Variants in MAD1L1 observed in about 807,000 individuals in gnomAD.
MAD1L1 encodes mitotic arrest deficient 1 like 1.
Under a neutral mutation model 96.9 loss-of-function variants are expected in MAD1L1, and 95 were observed. The observed-to-expected ratio is 0.98, with a 90% CI of 0.83 to 1.16. The LOEUF is 1.16. MAD1L1 is among the 50% of genes most tolerant of loss of function. The pLI is 0.00. For synonymous variants in MAD1L1, 473 were observed against 396.6 expected (o/e 1.19, Z -2.29); for missense variants, 1,007 against 954.4 (o/e 1.06, Z -0.73).
At chr7:2,129,827 G>T (rs757054642) in intron 11 of MAD1L1, among the ~76,000 whole-genome samples, 1 of 152,158 alleles carries the variant, frequency 6.6e-6, no homozygotes, top group African/African-American at 2.4e-5. Flanking sequence ...CACAAGGAAG[G>T]TGCACAACAC....
In MAD1L1 at chr7:2,222,746, G is replaced by C. The variant is rs368024845; in HGVS notation, c.300C>G (p.Val100=). 6.3e-7 allele frequency: 1 copy of C among 1,599,550 alleles called. No homozygotes were observed. The highest frequency in any genetic ancestry group is 8.5e-7 in the Non-Finnish European group (1 of 1,177,516). Residue 100 remains valine (V), a synonymous_variant, in exon 5 of 19, where the codon GTC becomes GTG. Coordinates refer to ENST00000265854, the MANE Select transcript of MAD1L1 (RefSeq NM_001013836.2). ...GCGTCAGGAGCTCCTGGTTGCGGTC[G>C]ACCTCACGCTGTTAAGAGAGCAAGA... ...STSARNYERE[V]DRNQELLTRI...
chr7:2,213,398 C>A, intron 9 of MAD1L1, 125 bp from the exon 10 acceptor site: 1 of 845,572 alleles, frequency 1.2e-6, no homozygotes, highest in South Asian at 1.4e-5. Flanking sequence ...CATCTCTGAG[C>A]TGGGCGCTAC....
chr7:2,123,227 C>A (rs1788063237), intron 11 of MAD1L1, among the ~76,000 whole-genome samples: 1 of 149,764 alleles, frequency 6.7e-6, no homozygotes, highest in African/African-American at 2.4e-5. Context: ...ATGGCATGAA[C>A]CCGGAAAGCG....
intron 18 of MAD1L1, chr7:1,848,639 C>T (rs1783773497): frequency 6.5e-6 from 1 of 154,392 alleles, no homozygotes; most frequent in South Asian, 2.0e-4. Flanking sequence ...GATTTGCGCT[C>T]CTGGTTCCGA....
intron 16 of MAD1L1, among the ~76,000 whole-genome samples, chr7:1,956,922 GC>G (rs1165518103): frequency 1.3e-5 from 2 of 152,220 alleles, no homozygotes; most frequent in African/African-American, 4.8e-5. Flanking sequence ...GGGATGCCTG[GC>G]CCCCAGTCAG....
intron 11 of MAD1L1, among the ~76,000 whole-genome samples, chr7:2,097,818 G>C (rs1786571202): frequency 6.6e-6 from 1 of 152,250 alleles, no homozygotes; most frequent in Admixed American, 6.5e-5. Flanking sequence ...GGACCCCTGG[G>C]AGCAGCGCCT....
At chr7:2,040,469 A>G (rs1424463710) in intron 12 of MAD1L1, among the ~76,000 whole-genome samples, 2 of 152,160 alleles carry the variant, frequency 1.3e-5, no homozygotes, top group Non-Finnish European at 2.9e-5. Context: ...GCTGTTCAGA[A>G]TGGGCAGATG....
In MAD1L1 at chr7:1,884,480, C is replaced by T. The variant is rs879365458; in HGVS notation, c.1998+13720G>A. On this transcript the variant is annotated intron_variant, in intron 18 of 18. Transcript: ENST00000265854. The stretch of plus-strand genomic sequence containing the variant: ...AGCAACGTTGGGTCAGGGGCCTAGC[C>T]GGGATTCCCCACCACATGGAGGCCC... Among the ~76,000 whole-genome samples the T allele has an allele frequency of 5.3e-5, 8 of 152,340 alleles. No individual in the cohort carries two copies. The East Asian group carries it at 5.8e-4, about 11-fold the overall frequency.
In MAD1L1 at chr7:2,222,715, G is replaced by C; in HGVS notation, c.331C>G (p.Arg111Gly). ...CCGGCCTCCCGCTCCTGAAGCTGCC[G>C]GATGCGCGTCAGGAGCTCCTGGTTG... Reference protein sequence around the residue: ...DRNQELLTRIRQLQEREAGAE... With the variant: ...DRNQELLTRIGQLQEREAGAE... The change falls in exon 5 of 19, where the codon CGG becomes GGG. Residue 111 changes from arginine (R) to glycine (G), a missense_variant. Transcript: ENST00000265854. The C allele has an allele frequency of 1.2e-6, 2 of 1,608,876 alleles. No homozygotes were observed. Among genetic ancestry groups the C allele is most frequent in the Non-Finnish European group, 1.7e-6 (2 of 1,179,504 alleles).
At chr7:1,845,936 C>A (rs576164854) in intron 18 of MAD1L1, 53 of 152,750 alleles carry the variant, frequency 3.5e-4, no homozygotes, top group Non-Finnish European at 4.4e-4. Flanking sequence ...CTTCTCTCCA[C>A]GCTCCCCAAG....
At chr7:1,946,324 T>C (rs1043966540) in intron 16 of MAD1L1, among the ~76,000 whole-genome samples, 2 of 152,148 alleles carry the variant, frequency 1.3e-5, no homozygotes, top group Non-Finnish European at 2.9e-5. Context: ...CTGAGCACTG[T>C]GTGTGCCAGC....
chr7:1,950,780 G>A (rs752267018), intron 16 of MAD1L1, among the ~76,000 whole-genome samples: 5 of 152,250 alleles, frequency 3.3e-5, no homozygotes, highest in Non-Finnish European at 5.9e-5. Context: ...AGCAGCACAC[G>A]TGGGCAAGTG....
At chr7:1,902,396 C>G (rs1418558367) in intron 17 of MAD1L1, among the ~76,000 whole-genome samples, 2 of 152,204 alleles carry the variant, frequency 1.3e-5, no homozygotes, top group African/African-American at 4.8e-5. Context: ...AGAGCCAGCA[C>G]ACAGCTGTGA....
chr7:2,043,520 G>A (rs1298967700), intron 12 of MAD1L1, among the ~76,000 whole-genome samples: 1 of 152,252 alleles, frequency 6.6e-6, no homozygotes, highest in Non-Finnish European at 1.5e-5. Context: ...TGGGCTGGAG[G>A]TGGCCGGAAT....
chr7:1,853,060 T>C (rs1428824390), intron 18 of MAD1L1, among the ~76,000 whole-genome samples: 1 of 152,108 alleles, frequency 6.6e-6, no homozygotes, highest in Non-Finnish European at 1.5e-5. Context: ...TGGGAGCTGA[T>C]AACGACATGC....
At chr7:2,133,506 T>C (rs1280777774) in intron 11 of MAD1L1, among the ~76,000 whole-genome samples, 2 of 152,262 alleles carry the variant, frequency 1.3e-5, no homozygotes, top group Non-Finnish European at 2.9e-5. Flanking sequence ...TTGGGGCTTC[T>C]CCTTTTATTC....
At chr7:2,125,301 T>C (rs1351987768) in intron 11 of MAD1L1, among the ~76,000 whole-genome samples, 1 of 152,118 alleles carries the variant, frequency 6.6e-6, no homozygotes, top group African/African-American at 2.4e-5. Flanking sequence ...GTGCCCCTTC[T>C]GATGACTGGA....
At chr7:1,988,128 G>T (rs1432691650) in intron 14 of MAD1L1, among the ~76,000 whole-genome samples, 1 of 152,252 alleles carries the variant, frequency 6.6e-6, no homozygotes, top group Non-Finnish European at 1.5e-5. Context: ...AGATGGAGCA[G>T]CGTGCGGAAG....
At chr7:1,882,873 G>C (rs187578369) in intron 18 of MAD1L1, among the ~76,000 whole-genome samples, 1 of 152,296 alleles carries the variant, frequency 6.6e-6, no homozygotes. Flanking sequence ...TAGAAATGTA[G>C]AGAACTGAAG....
Sources: gnomAD v4.1 joint callset for allele counts (sites outside exome capture counted in the v4.1 genomes callset) on GRCh38, gnomAD v4.1.1 for gene constraint, MANE v1.5 for transcripts, NCBI Gene and HGNC (gene_info 2026-07-23, HGNC 2026-07-21) for gene names.